The following NBEA variants were observed in gnomAD, a reference collection of about 807,000 sequenced individuals.
NBEA encodes neurobeachin.
Under a neutral mutation model 343.4 loss-of-function variants are expected in NBEA, and 44 were observed. The ratio of observed to expected loss-of-function variants is 0.13; its 90% CI spans 0.10 to 0.16. NBEA has a LOEUF of 0.16. NBEA is among the 10% of genes least tolerant of loss of function. The probability of loss-of-function intolerance (pLI) is 1.00; values close to 1 mark genes in which losing one functional copy is unlikely to be tolerated. For synonymous variants in NBEA, 1,175 were observed against 1,238.7 expected, an observed-to-expected ratio of 0.95 and a Z score of 1.08; for missense variants, 2,555 against 3,631.3, an observed-to-expected ratio of 0.70 and a Z score of 7.62.
At chr13:35,093,158 A>C (rs2065170924) in intron 10 of NBEA, among the ~76,000 whole-genome samples, 1 of 152,030 alleles carries the variant, frequency 6.6e-6, no homozygotes, top group Admixed American at 6.6e-5. Flanking sequence ...AAAAGGGATA[A>C]GTACTAGAGC....
rs530643930 is a variant in NBEA at position 34,950,610 on chromosome 13, A to T, written c.294+7496A>T. ...TATTTAATTTCTAATATTCTAAATTAAAAAAATTTTAAATACTTTAGGTAT... is the reference window on the plus strand; with the variant it reads ...TATTTAATTTCTAATATTCTAAATTTAAAAAATTTTAAATACTTTAGGTAT... On this transcript the variant is annotated intron_variant, in intron 1 of 58. Coordinates refer to ENST00000379939, the MANE Select transcript of NBEA (RefSeq NM_001385012.1). Among the ~76,000 whole-genome samples, 209 of 151,634 alleles carry T rather than the reference A, an allele frequency of 1.4e-3. 1 individual carries two copies. The highest frequency in any genetic ancestry group is 2.2e-3 in the Non-Finnish European group (151 of 67,850).
intron 11 of NBEA, among the ~76,000 whole-genome samples, chr13:35,104,210 G>GCCTTATTTT (rs1401098661): frequency 6.6e-6 from 1 of 151,750 alleles, no homozygotes; most frequent in African/African-American, 2.4e-5. Flanking sequence ...GCTTCATTCA[G>GCCTTATTTT]GATTTTGCTT....
intron 1 of NBEA, among the ~76,000 whole-genome samples, chr13:34,949,377 T>TA (rs757313922): frequency 7.9e-5 from 12 of 152,308 alleles, no homozygotes; most frequent in Admixed American, 6.5e-4. Context: ...ACGAAAAACT[T>TA]ACCAAAGTTT....
At position 35,600,482 on chromosome 13, in the gene NBEA, A is replaced by C. The variant is rs921884964; in HGVS notation, c.7297-5944A>C. Among the ~76,000 whole-genome samples, 3 of 152,206 alleles carry C rather than the reference A, an allele frequency of 2.0e-5. No individual in the cohort carries two copies. The East Asian group carries it at 5.8e-4, about 29-fold the overall frequency. ...TGACAGAACTTTTTTACTGAATTACAGGATGCACTTTGGTACTGGGTAAAC... is the reference window on the plus strand; with the variant it reads ...TGACAGAACTTTTTTACTGAATTACCGGATGCACTTTGGTACTGGGTAAAC... On this transcript the variant is annotated intron_variant, in intron 47 of 58. Coordinates refer to ENST00000379939, the MANE Select transcript of NBEA (RefSeq NM_001385012.1).
intron 1 of NBEA, among the ~76,000 whole-genome samples, chr13:34,967,496 G>T (rs1292938893): frequency 6.6e-6 from 1 of 151,926 alleles, no homozygotes; most frequent in East Asian, 1.9e-4. Context: ...TGATGCTAAG[G>T]CTATAATGAT....
intron 21 of NBEA, 98 bp downstream of exon 21, chr13:35,157,368 T>G: frequency 1.1e-6 from 1 of 893,670 alleles, no homozygotes; most frequent in Non-Finnish European, 1.5e-6. Context: ...GCATCTTAGA[T>G]TTTGACAGAT....
chr13:35,590,707 A>T (rs1566373164), intron 46 of NBEA, among the ~76,000 whole-genome samples: 1 of 152,090 alleles, frequency 6.6e-6, no homozygotes, highest in Non-Finnish European at 1.5e-5. Flanking sequence ...GACAAGCCTG[A>T]TCCCTCTAAA....
rs1047677306 is a variant in NBEA at position 35,555,871 on chromosome 13, C to G, written c.6922+769C>G. Among the ~76,000 whole-genome samples the G allele has an allele frequency of 2.2e-4, 33 of 151,996 alleles. No individual in the cohort carries two copies. The Middle Eastern group carries it at 0.01, about 47-fold the overall frequency. ...TTTGTTATGAATGAATGCTCACAAC[C>G]GTGTATTTAGAGCTGTGTACTTCTC... On this transcript the variant is annotated intron_variant, in intron 44 of 58. Transcript: ENST00000379939.
intron 49 of NBEA, among the ~76,000 whole-genome samples, chr13:35,629,419 C>A (rs2153066403): frequency 6.6e-6 from 1 of 152,206 alleles, no homozygotes; most frequent in Admixed American, 6.5e-5. Context: ...TAAAATGACT[C>A]CATTTGTATG....
chr13:35,222,607 A>G (rs1453045510), intron 33 of NBEA, among the ~76,000 whole-genome samples: 5 of 152,114 alleles, frequency 3.3e-5, no homozygotes, highest in African/African-American at 1.2e-4. Context: ...TATTGTAGAC[A>G]ATATTTCAAA....
chr13:35,479,675 A>G (rs1452274917), intron 41 of NBEA, among the ~76,000 whole-genome samples: 1 of 152,202 alleles, frequency 6.6e-6, no homozygotes, highest in African/African-American at 2.4e-5. Context: ...TATGTAGTAC[A>G]TAGAGATGGC....
In NBEA at chr13:35,531,930, ACTTTC is replaced by A. The variant is rs574305715; in HGVS notation, c.6586-18546_6586-18542del. Among the ~76,000 whole-genome samples, 17 of 152,284 alleles carry A rather than the reference ACTTTC, an allele frequency of 1.1e-4. No individual in the cohort carries two copies. The South Asian group carries it at 3.3e-3, about 30-fold the overall frequency. On this transcript the variant is annotated intron_variant, in intron 41 of 58. Coordinates refer to ENST00000379939, the MANE Select transcript of NBEA (RefSeq NM_001385012.1). ...ATTTTGCCATATGTAAAAGCAAAGC[ACTTTC>A]ATCTTTTTATATATGTTTTTACACC... is the stretch of plus-strand genomic sequence containing the variant.
At chr13:35,099,263 A>G (rs2065508844) in intron 11 of NBEA, among the ~76,000 whole-genome samples, 1 of 143,436 alleles carries the variant, frequency 7.0e-6, no homozygotes, top group East Asian at 2.1e-4. Flanking sequence ...CACTGGCTCA[A>G]TCTCGGCTCA....
intron 36 of NBEA, among the ~76,000 whole-genome samples, chr13:35,324,424 A>C (rs1594219436): frequency 6.6e-6 from 1 of 152,360 alleles, no homozygotes; most frequent in East Asian, 1.9e-4. Context: ...TTCTTCTATA[A>C]CATGTCTCTT....
chr13:35,115,311 G>A (rs78181013), intron 13 of NBEA, among the ~76,000 whole-genome samples: 5,476 of 151,636 alleles, frequency 0.036, 149 homozygotes, highest in South Asian at 0.075. Context: ...TACATATATC[G>A]ATGTAATATA....
intron 36 of NBEA, among the ~76,000 whole-genome samples, chr13:35,333,079 C>A (rs962857000): frequency 1.3e-5 from 2 of 152,094 alleles, no homozygotes; most frequent in African/African-American, 4.8e-5. Context: ...GTGGACTCTT[C>A]TTGTTATCAC....
At chr13:35,124,212 T>G (rs1483834560) in intron 17 of NBEA, among the ~76,000 whole-genome samples, 1 of 151,370 alleles carries the variant, frequency 6.6e-6, no homozygotes, top group African/African-American at 2.4e-5. Context: ...AATTTAAATG[T>G]TACTAGATGA....
rs71081262 is a variant in NBEA at position 35,539,915 on chromosome 13, C to CAAAAAAAAAAAAAAAA, written c.6586-10550_6586-10535dup. ...TGGGCGACAGAGCAAGACTCCGTCT[C>CAAAAAAAAAAAAAAAA]AAAAAAAAAAAAAAAAAAAAAAAAA... On this transcript the variant is annotated intron_variant, in intron 41 of 58. Coordinates refer to ENST00000379939, the MANE Select transcript of NBEA (RefSeq NM_001385012.1). 1.3e-3 allele frequency among the ~76,000 whole-genome samples: 50 copies of CAAAAAAAAAAAAAAAA among 39,602 alleles called. 3 individuals carry two copies. Among genetic ancestry groups the CAAAAAAAAAAAAAAAA allele is most frequent in the Non-Finnish European group, 1.7e-3 (37 of 21,850 alleles). 26.0% of individuals were successfully genotyped at this position (39,602 alleles called of 152,430 possible).
At chr13:35,305,486 G>T (rs1474267044) in intron 35 of NBEA, among the ~76,000 whole-genome samples, 1 of 152,134 alleles carries the variant, frequency 6.6e-6, no homozygotes, top group Admixed American at 6.5e-5. Flanking sequence ...CTCCTCCAGT[G>T]AGATTGGGCT....
Sources: gnomAD v4.1 joint callset for allele counts (sites outside exome capture counted in the v4.1 genomes callset) on GRCh38, gnomAD v4.1.1 for gene constraint, MANE v1.5 for transcripts, NCBI Gene and HGNC (gene_info 2026-07-23, HGNC 2026-07-21) for gene names.